The following WDR41 variants were observed in gnomAD, a reference collection of about 807,000 sequenced individuals.
The protein encoded by WDR41 is WD repeat-containing protein 41.
In WDR41, 63 loss-of-function variants were observed where a neutral mutation model predicts 69.3. The ratio of observed to expected loss-of-function variants is 0.91; its 90% CI spans 0.74 to 1.12. The LOEUF (loss-of-function observed/expected upper bound fraction) is 1.12, where lower values mean the gene tolerates loss of function less well. Among genes scored for constraint, WDR41 ranks in the 50% most tolerant of loss-of-function variants. WDR41 has a pLI of 0.00. For synonymous variants in WDR41, 185 were observed against 192.1 expected (o/e 0.96, Z 0.31); for missense variants, 543 against 534.5 (o/e 1.02, Z -0.16).
Position 77,478,447 on chromosome 5 carries a change from T to G in WDR41, c.167+11010A>C, listed in dbSNP as rs575557220. 1.6e-3 allele frequency among the ~76,000 whole-genome samples: 241 copies of G among 152,220 alleles called. 1 individual carries two copies. Among genetic ancestry groups the G allele is most frequent in the African/African-American group, 5.3e-3 (218 of 41,506 alleles). On this transcript the variant is annotated intron_variant, in intron 2 of 12. Transcript: ENST00000296679. ...CTCAATAAAATAATGGCAAACCGAA[T>G]CCAGCAGCACATCAAAAAGCTTATC...
chr5:77,503,486 G>C (rs1181524315), intron 1 of WDR41, among the ~76,000 whole-genome samples: 1 of 152,120 alleles, frequency 6.6e-6, no homozygotes, highest in Non-Finnish European at 1.5e-5. Flanking sequence ...AGGTTAACAA[G>C]GATATCCAGG....
chr5:77,549,220 A>C (rs1250668421), intron 1 of WDR41, among the ~76,000 whole-genome samples: 1 of 152,158 alleles, frequency 6.6e-6, no homozygotes, highest in Non-Finnish European at 1.5e-5. Context: ...AAATCTCACA[A>C]ATCACCACTA....
chr5:77,460,781 T>A (rs2151319804), intron 4 of WDR41, among the ~76,000 whole-genome samples: 1 of 152,314 alleles, frequency 6.6e-6, no homozygotes, highest in South Asian at 2.1e-4. Flanking sequence ...CTGCAACCTG[T>A]CACATGATGT....
At chr5:77,523,033 G>T (rs144982491) in intron 1 of WDR41, among the ~76,000 whole-genome samples, 55 of 152,254 alleles carry the variant, frequency 3.6e-4, no homozygotes, top group African/African-American at 1.3e-3. Flanking sequence ...TCAAAAGTTG[G>T]CCAGACGCTG....
At chr5:77,571,161 A>G (rs1743726260) in intron 1 of WDR41, among the ~76,000 whole-genome samples, 1 of 152,146 alleles carries the variant, frequency 6.6e-6, no homozygotes, top group African/African-American at 2.4e-5. Context: ...AAAAATAAGG[A>G]AATATAATCC....
intron 1 of WDR41, among the ~76,000 whole-genome samples, chr5:77,568,541 T>C (rs1386419883): frequency 6.6e-6 from 1 of 152,112 alleles, no homozygotes; most frequent in African/African-American, 2.4e-5. Flanking sequence ...GCAGTAACTG[T>C]AAGTTATCTA....
intron 1 of WDR41, among the ~76,000 whole-genome samples, chr5:77,570,358 A>G (rs1220485373): frequency 1.3e-5 from 2 of 151,744 alleles, no homozygotes; most frequent in Non-Finnish European, 2.9e-5. Context: ...TCTAATAATT[A>G]TATGACTAAA....
intron 1 of WDR41, among the ~76,000 whole-genome samples, chr5:77,504,009 G>C (rs7719648): frequency 0.63 from 95,689 of 151,802 alleles, 31,774 homozygotes; most frequent in African/African-American, 0.84. Context: ...TAGCAGAAGA[G>C]AAGAAATGAC....
rs897814671 is a variant in WDR41, at chr5:77,453,805, G to A, written c.523+12C>T. 1.9e-6 allele frequency: 3 copies of A among 1,598,158 alleles called. No individual in the cohort carries two copies. The highest frequency in any genetic ancestry group is 2.6e-6 in the Non-Finnish European group (3 of 1,165,714). ...GTCAATCATAGTTCAAAATTACCTT[G>A]ATGTTTTTTACCTGTATCAGAAAGG... On this transcript the variant is annotated intron_variant, in intron 6 of 12. Transcript: ENST00000296679.
intron 8 of WDR41, among the ~76,000 whole-genome samples, chr5:77,446,581 TAGACCAATGGAGC>T (rs951385005): frequency 1.3e-5 from 2 of 152,066 alleles, no homozygotes; most frequent in Non-Finnish European, 2.9e-5. Context: ...AACAGACATA[TAGACCAATGGAGC>T]AGAATAGACA....
At chr5:77,598,042 G>T (rs1367303565) in intron 1 of WDR41, among the ~76,000 whole-genome samples, 1 of 152,184 alleles carries the variant, frequency 6.6e-6, no homozygotes, top group African/African-American at 2.4e-5. Flanking sequence ...GTAAAACAGA[G>T]AGAGAAGAAA....
rs17856057 is a variant in WDR41, at chr5:77,437,422, T to A, written c.1007A>T (p.Gln336Leu). The change falls in exon 11 of 13, where the codon CAG (glutamine) becomes CTG (leucine). Residue 336 changes from glutamine (Q) to leucine (L), a missense_variant and splice_region_variant. Physicochemically the swap from Gln to Leu is moderately radical, Grantham distance 113 (BLOSUM62 -2). Coordinates refer to ENST00000296679, the MANE Select transcript of WDR41 (RefSeq NM_018268.4). ...VLHVARLPNRQLISCSEDGSV... is the reference protein window; with the variant it reads ...VLHVARLPNRLLISCSEDGSV... ...GCCATCTTCTGAGCATGAGATTAAC[T>A]GCCTGTCAGAACAGAAAATCAGTAA... 6.2e-7 allele frequency: 1 copy of A among 1,613,620 alleles called. No homozygotes were observed.
At chr5:77,544,668 A>G (rs1427263992) in intron 1 of WDR41, among the ~76,000 whole-genome samples, 1 of 152,118 alleles carries the variant, frequency 6.6e-6, no homozygotes, top group Non-Finnish European at 1.5e-5. Flanking sequence ...CAAATGAATA[A>G]AATAATTACT....
chr5:77,436,029 G>T (rs564403795), intron 12 of WDR41, among the ~76,000 whole-genome samples: 1 of 152,232 alleles, frequency 6.6e-6, no homozygotes, highest in Admixed American at 6.5e-5. Flanking sequence ...CTAAATAATG[G>T]TGATTAAGAC....
At chr5:77,517,631 C>CATATATATGTATATATATAT (rs1802309489) in intron 1 of WDR41, among the ~76,000 whole-genome samples, 1 of 141,138 alleles carries the variant, frequency 7.1e-6, no homozygotes, top group Admixed American at 7.0e-5. Flanking sequence ...ATTTATTGAA[C>CATATATATGTATATATATAT]ATATATATAT....
chr5:77,504,121 G>C (rs1378116327), intron 1 of WDR41, among the ~76,000 whole-genome samples: 1 of 151,088 alleles, frequency 6.6e-6, no homozygotes, highest in Admixed American at 6.6e-5. Flanking sequence ...AAAATTGATA[G>C]ACTGCTAGCA....
At chr5:77,481,265 C>T (rs1801244610) in intron 2 of WDR41, among the ~76,000 whole-genome samples, 1 of 152,026 alleles carries the variant, frequency 6.6e-6, no homozygotes, top group Non-Finnish European at 1.5e-5. Context: ...GCCTTGGCCT[C>T]CCAAAGTTCT....
chr5:77,461,392 C>G (rs1356144193), intron 4 of WDR41, among the ~76,000 whole-genome samples: 1 of 152,178 alleles, frequency 6.6e-6, no homozygotes, highest in Non-Finnish European at 1.5e-5. Context: ...GTCTAGAAAG[C>G]ACTTCAGTTG....
intron 1 of WDR41, among the ~76,000 whole-genome samples, chr5:77,526,307 A>C (rs1802446074): frequency 6.6e-6 from 1 of 152,018 alleles, no homozygotes; most frequent in Non-Finnish European, 1.5e-5. Flanking sequence ...CTAAAAAATA[A>C]GGACTTTTTT....
Sources: gnomAD v4.1 joint callset for allele counts (sites outside exome capture counted in the v4.1 genomes callset) on GRCh38, gnomAD v4.1.1 for gene constraint, MANE v1.5 for transcripts, NCBI Gene and HGNC (gene_info 2026-07-23, HGNC 2026-07-21) for gene names.